POLQ: variants seen among roughly 807,000 people sequenced by gnomAD.
POLQ encodes the protein DNA polymerase theta.
A neutral mutation model predicts 259.2 loss-of-function variants in POLQ; 233 were observed. The ratio of observed to expected loss-of-function variants is 0.90; its 90% CI spans 0.81 to 1.00. The LOEUF is 1.00. POLQ is among the 50% of genes least tolerant of loss of function. The pLI, the probability that POLQ is intolerant of heterozygous loss-of-function variation, is 0.00. For synonymous variants in POLQ, 1,025 were observed against 1,048.8 expected, an observed-to-expected ratio of 0.98 and a Z score of 0.44; for missense variants, 2,871 against 3,051.6, an observed-to-expected ratio of 0.94 and a Z score of 1.39.
chr3:121,476,968 A>G (rs1164200960), intron 19 of POLQ, among the ~76,000 whole-genome samples: 6 of 152,210 alleles, frequency 3.9e-5, no homozygotes, highest in Non-Finnish European at 8.8e-5. Context: ...AGAGTCGGCA[A>G]TCTTGTGACT....
At chr3:121,469,139 G>A (rs1315508882) in intron 22 of POLQ, among the ~76,000 whole-genome samples, 1 of 137,214 alleles carries the variant, frequency 7.3e-6, no homozygotes, top group Non-Finnish European at 1.5e-5. Flanking sequence ...ACTGAGCCGA[G>A]ATCATGCCAC....
intron 24 of POLQ, among the ~76,000 whole-genome samples, chr3:121,466,016 G>C (rs2047832509): frequency 6.6e-6 from 1 of 152,172 alleles, no homozygotes; most frequent in Non-Finnish European, 1.5e-5. Flanking sequence ...AGTTAGCCAA[G>C]TTGTGAATGC....
At chr3:121,493,790 G>A (rs2048091621) in intron 14 of POLQ, 69 bp from the exon 15 acceptor site, 2 of 1,418,264 alleles carry the variant, frequency 1.4e-6, no homozygotes, top group African/African-American at 1.4e-5. Flanking sequence ...TTCTTTAGAT[G>A]TATTTATATT....
intron 8 of POLQ, 94 bp downstream of exon 8, chr3:121,521,909 G>T: frequency 1.1e-6 from 1 of 889,936 alleles, no homozygotes; most frequent in Non-Finnish European, 1.7e-6. Context: ...GACATTAAGT[G>T]TGTTTAACAA....
In POLQ at chr3:121,498,649, A is replaced by C. The variant is rs142537679; in HGVS notation, c.1981T>G (p.Trp661Gly). ...LYLVTPMFEDWTTIDWYRFFC... is the reference protein window; with the variant it reads ...LYLVTPMFEDGTTIDWYRFFC... ...AATCGATACCAATCAATAGTAGTCCAATCCTCAAACATAGGTGTAACCTAA... is the reference window on the plus strand; with the variant it reads ...AATCGATACCAATCAATAGTAGTCCCATCCTCAAACATAGGTGTAACCTAA... Residue 661 changes from tryptophan (W) to glycine (G), a missense_variant, in exon 13 of 30, where the codon TGG becomes GGG. Physicochemically the swap from Trp to Gly is radical, Grantham distance 184 (BLOSUM62 -2). Transcript: ENST00000264233. 3,785 of 1,612,378 alleles carry C rather than the reference A, an allele frequency of 2.3e-3. 13 individuals carry two copies. Among genetic ancestry groups the C allele is most frequent in the Non-Finnish European group, 2.9e-3 (3,405 of 1,178,468 alleles).
At chr3:121,446,069 G>A (rs1282409709) in intron 26 of POLQ, among the ~76,000 whole-genome samples, 1 of 150,898 alleles carries the variant, frequency 6.6e-6, no homozygotes, top group African/African-American at 2.4e-5. Context: ...TTTAATGTAG[G>A]CACTTATAGC....
At chr3:121,453,816 A>T (rs972821564) in intron 25 of POLQ, among the ~76,000 whole-genome samples, 2 of 152,192 alleles carry the variant, frequency 1.3e-5, no homozygotes, top group African/African-American at 2.4e-5. Context: ...TGCAGGATAT[A>T]ATCCAGGAGA....
intron 9 of POLQ, among the ~76,000 whole-genome samples, chr3:121,516,639 C>A (rs2048299164): frequency 6.6e-6 from 1 of 152,134 alleles, no homozygotes; most frequent in Non-Finnish European, 1.5e-5. Context: ...GCTATTTTGG[C>A]ACCAAGCACC....
chr3:121,510,462 A>G (rs531289283), intron 10 of POLQ, among the ~76,000 whole-genome samples: 1 of 152,192 alleles, frequency 6.6e-6, no homozygotes, highest in South Asian at 2.1e-4. Context: ...CTGTAGTCCC[A>G]GCTACTTGGG....
chr3:121,527,203 G>C (rs2048379992), intron 7 of POLQ, among the ~76,000 whole-genome samples: 1 of 152,110 alleles, frequency 6.6e-6, no homozygotes, highest in South Asian at 2.1e-4. Context: ...TGGGACTACA[G>C]GTATGCCCCA....
intron 26 of POLQ, among the ~76,000 whole-genome samples, chr3:121,441,848 T>A (rs553019188): frequency 4.8e-4 from 73 of 152,212 alleles, no homozygotes; most frequent in African/African-American, 1.7e-3. Flanking sequence ...TACAAATAAA[T>A]GAACAACGTA....
Position 121,456,720 on chromosome 3 carries a change from A to C in POLQ, c.7152+3330T>G, listed in dbSNP as rs1576403464. On this transcript the variant is annotated intron_variant, in intron 25 of 29. Coordinates refer to ENST00000264233, the MANE Select transcript of POLQ (RefSeq NM_199420.4). ...CAAGGAGAACTACAAACCACTGCTC[A>C]AGGAAATAAAAGAGGATACAAAGAA... Among the ~76,000 whole-genome samples, 3 of 152,098 alleles carry C rather than the reference A, an allele frequency of 2.0e-5. No individual in the cohort carries two copies. The South Asian group carries it at 6.2e-4, about 31-fold the overall frequency.
chr3:121,543,935 A>G (rs189305040), intron 2 of POLQ, among the ~76,000 whole-genome samples: 2 of 151,948 alleles, frequency 1.3e-5, no homozygotes, highest in Admixed American at 1.3e-4. Flanking sequence ...GTGAGCCGAG[A>G]CAACTCCATT....
intron 12 of POLQ, among the ~76,000 whole-genome samples, chr3:121,505,994 C>T (rs1047898951): frequency 6.8e-6 from 1 of 146,190 alleles, no homozygotes; most frequent in Non-Finnish European, 1.5e-5. Context: ...TGCACTCCAG[C>T]CTGGGTGACA....
At chr3:121,463,274 G>A (rs1243367140) in intron 24 of POLQ, among the ~76,000 whole-genome samples, 1 of 152,112 alleles carries the variant, frequency 6.6e-6, no homozygotes. Context: ...CCCTGCATAA[G>A]CTCTTGCCAG....
In POLQ at chr3:121,489,794, T is replaced by C. The variant is rs771272410; in HGVS notation, c.3137A>G (p.Lys1046Arg). Residue 1046 changes from lysine to arginine, a missense_variant, in exon 16 of 30, where the codon AAG (lysine) becomes AGG (arginine). By Grantham distance (26) the Lys-to-Arg change is conservative. Around this residue, in one of 3 missense-constraint regions of POLQ, gnomAD observed 2,080 missense variants for 2,126.0 expected, o/e 0.98. Transcript: ENST00000264233. The stretch of plus-strand genomic sequence containing the variant: ...GCTGTCCCTAGATCGCTTTAGATGC[T>C]TTCTACGTTTCCAAGATCGAAAACT... Reference protein sequence around the residue: ...SRSFRSWKRRKHLKRSRDSSP... With the variant: ...SRSFRSWKRRRHLKRSRDSSP... 6.2e-7 allele frequency: 1 copy of C among 1,612,822 alleles called. No individual in the cohort carries two copies. The highest frequency in any genetic ancestry group is 1.7e-5 in the Admixed American group (1 of 59,838).
At chr3:121,469,253 T>C (rs374259974) in intron 22 of POLQ, among the ~76,000 whole-genome samples, 57 of 152,206 alleles carry the variant, frequency 3.7e-4, no homozygotes, top group African/African-American at 1.3e-3. Context: ...TTTTGTTTAC[T>C]TATTGGTTGA....
At chr3:121,433,072 G>T (rs1442145823) in intron 28 of POLQ, 39 bp from the exon 29 acceptor site, 5 of 1,073,334 alleles carry the variant, frequency 4.7e-6, no homozygotes, top group Non-Finnish European at 7.3e-6. Flanking sequence ...TCAGCATGTC[G>T]CTAAGTCATA....
At chr3:121,483,110 C>T (rs904184975) in intron 18 of POLQ, among the ~76,000 whole-genome samples, 1 of 152,110 alleles carries the variant, frequency 6.6e-6, no homozygotes, top group Admixed American at 6.6e-5. Flanking sequence ...AGACAGAAAA[C>T]TTAGGACTTA....
Sources: allele counts gnomAD v4.1 joint callset (sites outside exome capture counted in the v4.1 genomes callset), GRCh38; gene constraint gnomAD v4.1.1; regional missense constraint gnomAD v4.1.1; transcripts MANE v1.5; gene names NCBI Gene and HGNC (gene_info 2026-07-23, HGNC 2026-07-21).